Variants in UGT1A10 observed in about 807,000 individuals in gnomAD.
UGT1A10 encodes UDP-glucuronosyltransferase 1A10.
UGT1A10 carries 49 observed loss-of-function variants against 45.8 expected under a neutral mutation model. The ratio of observed to expected loss-of-function variants is 1.07; its 90% CI spans 0.85 to 1.36. The LOEUF is 1.36. UGT1A10 is among the 40% of genes most tolerant of loss of function. UGT1A10 has a pLI of 0.00. For missense variants in UGT1A10, 745 were observed against 668.6 expected (o/e 1.11, Z -1.26); for synonymous variants, 284 against 249.7 (o/e 1.14, Z -1.29).
At chr2:233,760,220 G>C (rs1697349973) in intron 1 of UGT1A10, 2 of 1,593,686 alleles carry the variant, frequency 1.3e-6, no homozygotes, top group South Asian at 2.2e-5. Flanking sequence ...TTGGTGTATC[G>C]ATTGGTTTTT....
intron 1 of UGT1A10, among the ~76,000 whole-genome samples, chr2:233,644,284 A>G (rs2125467516): frequency 6.6e-6 from 1 of 152,260 alleles, no homozygotes; most frequent in African/African-American, 2.4e-5. Flanking sequence ...ATGCTCCCTC[A>G]ATGCTGGGCA....
Position 233,693,534 on chromosome 2 carries a change from C to G in UGT1A10, c.855+56157C>G, listed in dbSNP as rs74429718. 3.5e-5 allele frequency: 56 copies of G among 1,614,178 alleles called. No individual in the cohort carries two copies. The highest frequency in any genetic ancestry group is 4.7e-5 in the Non-Finnish European group (55 of 1,180,024). On this transcript the variant is annotated intron_variant, in intron 1 of 4. Transcript: ENST00000344644. Reference sequence around the variant, plus strand: ...TACCTCTTCAGGGGTTTTCCGTGTTCCCTGGAGCATACATTCAGCAGAAGC... The same window carrying G: ...TACCTCTTCAGGGGTTTTCCGTGTTGCCTGGAGCATACATTCAGCAGAAGC...
At chr2:233,721,414 A>G (rs1463398492) in intron 1 of UGT1A10, 1 of 155,730 alleles carries the variant, frequency 6.4e-6, no homozygotes, top group Non-Finnish European at 1.4e-5. Context: ...TAGGACAGGT[A>G]CCCTAAGCAT....
chr2:233,743,207 A>C, intron 1 of UGT1A10: 1 of 394,578 alleles, frequency 2.5e-6, no homozygotes, highest in Non-Finnish European at 5.0e-6. Flanking sequence ...GTCAATGCGG[A>C]GTAACTGCTC....
intron 1 of UGT1A10, among the ~76,000 whole-genome samples, chr2:233,652,532 A>C (rs1485003791): frequency 6.6e-6 from 1 of 152,246 alleles, no homozygotes; most frequent in African/African-American, 2.4e-5. Flanking sequence ...CAATATCATT[A>C]TCATTCCTCA....
intron 1 of UGT1A10, among the ~76,000 whole-genome samples, chr2:233,697,447 T>A (rs2075391159): frequency 6.6e-6 from 1 of 151,962 alleles, no homozygotes; most frequent in Admixed American, 6.5e-5. Context: ...TCTGATTTTA[T>A]CTGAGTGTTT....
At position 233,712,021 on chromosome 2, in the gene UGT1A10, C is replaced by G. The variant is rs28898597; in HGVS notation, c.856-55013C>G. ...TCTGGAGGAACCATTCTTATCAGAA[C>G]TTGGTGCTGGATTGACTTGGAAAAA... On this transcript the variant is annotated intron_variant, in intron 1 of 4. Coordinates refer to ENST00000344644, the MANE Select transcript of UGT1A10 (RefSeq NM_019075.4). Among the ~76,000 whole-genome samples, 636 of 152,326 alleles carry G rather than the reference C, an allele frequency of 4.2e-3. 8 individuals carry two copies. Among genetic ancestry groups the G allele is most frequent in the African/African-American group, 0.015 (604 of 41,568 alleles).
At chr2:233,668,008 A>G (rs914560486) in intron 1 of UGT1A10, among the ~76,000 whole-genome samples, 4 of 152,252 alleles carry the variant, frequency 2.6e-5, no homozygotes, top group Non-Finnish European at 5.9e-5. Context: ...AAGAATTCCC[A>G]TATATCTTTT....
chr2:233,721,642 T>A (rs1280370811), intron 1 of UGT1A10: 1 of 207,198 alleles, frequency 4.8e-6, no homozygotes. Context: ...ATCTTGAATG[T>A]GGCAGTGGGG....
chr2:233,695,075 C>T (rs888068416), intron 1 of UGT1A10, among the ~76,000 whole-genome samples: 1 of 151,850 alleles, frequency 6.6e-6, no homozygotes, highest in Non-Finnish European at 1.5e-5. Flanking sequence ...GCACTTTGGA[C>T]TTACTCATTC....
In UGT1A10 at chr2:233,734,393, C is replaced by T. The variant is rs557317498; in HGVS notation, c.856-32641C>T. On this transcript the variant is annotated intron_variant, in intron 1 of 4. Transcript: ENST00000344644. ...ATATTGCCTTTACTATTTTTTATTG[C>T]GTCTATTTGATTCTTCTCTCTTTTC... Among the ~76,000 whole-genome samples, 8 of 152,072 alleles carry T rather than the reference C, an allele frequency of 5.3e-5. No homozygotes were observed. In the East Asian group the frequency reaches 7.7e-4, roughly 15 times the overall value.
intron 1 of UGT1A10, among the ~76,000 whole-genome samples, chr2:233,738,487 G>C (rs2125816251): frequency 6.6e-6 from 1 of 152,316 alleles, no homozygotes; most frequent in African/African-American, 2.4e-5. Flanking sequence ...GAGACTTGTT[G>C]AACGGTTTTG....
At position 233,690,892 on chromosome 2, in the gene UGT1A10, G is replaced by A. The variant is rs1171545232; in HGVS notation, c.855+53515G>A. 3 of 1,044,122 alleles carry A rather than the reference G, an allele frequency of 2.9e-6. No homozygotes were observed. In the African/African-American group the frequency reaches 5.1e-5, roughly 18 times the overall value. 64.7% of individuals were successfully genotyped at this position (1,044,122 alleles called of 1,614,324 possible). A position where few individuals can be genotyped will look rare whatever the true frequency, so the allele number is the denominator to read the frequency against. ...AGAAGGTGTTAGGAATTCAAGGGAT[G>A]GTATGCATAGTGATGTTAGTTTCAT... is the stretch of plus-strand genomic sequence containing the variant. On this transcript the variant is annotated intron_variant, in intron 1 of 4. Coordinates refer to ENST00000344644, the MANE Select transcript of UGT1A10 (RefSeq NM_019075.4).
Position 233,672,119 on chromosome 2 carries a change from T to C in UGT1A10, c.855+34742T>C, listed in dbSNP as rs752186883. On this transcript the variant is annotated intron_variant, in intron 1 of 4. Coordinates refer to ENST00000344644, the MANE Select transcript of UGT1A10 (RefSeq NM_019075.4). ...GAGGTGGTTGTAGTCATGCCAGAGGTGAGTTGGCAACTGGGAAGATCACTG... is the reference window on the plus strand; with the variant it reads ...GAGGTGGTTGTAGTCATGCCAGAGGCGAGTTGGCAACTGGGAAGATCACTG... 26 of 1,614,012 alleles carry C rather than the reference T, an allele frequency of 1.6e-5. No individual in the cohort carries two copies. In the South Asian group the frequency reaches 2.4e-4, roughly 15 times the overall value.
chr2:233,647,779 C>A, intron 1 of UGT1A10: 1 of 541,324 alleles, frequency 1.8e-6, no homozygotes, highest in African/African-American at 1.9e-5. Flanking sequence ...GTCTTTTTTC[C>A]TAATCAGTCT....
chr2:233,644,517 T>C (rs184090456), intron 1 of UGT1A10, among the ~76,000 whole-genome samples: 132 of 152,134 alleles, frequency 8.7e-4, no homozygotes, highest in Admixed American at 8.5e-3. Context: ...GCCAAGATCA[T>C]ACCACTGCAC....
chr2:233,657,825 C>A (rs529748955), intron 1 of UGT1A10, among the ~76,000 whole-genome samples: 21 of 152,108 alleles, frequency 1.4e-4, no homozygotes, highest in African/African-American at 5.1e-4. Context: ...CAGGTCTATG[C>A]CACTTTTTAA....
intron 1 of UGT1A10, among the ~76,000 whole-genome samples, chr2:233,664,170 C>T (rs1421019782): frequency 6.6e-6 from 1 of 152,176 alleles, no homozygotes; most frequent in Non-Finnish European, 1.5e-5. Context: ...TCACATGAGA[C>T]CTCATTAGCC....
chr2:233,729,264 G>T (rs921669787), intron 1 of UGT1A10: 3 of 1,614,004 alleles, frequency 1.9e-6, no homozygotes, highest in Admixed American at 1.7e-5. Flanking sequence ...GCATGCGGGA[G>T]GTCTTGCGGG....
Sources: gnomAD v4.1 joint callset for allele counts (sites outside exome capture counted in the v4.1 genomes callset) on GRCh38, gnomAD v4.1.1 for gene constraint, MANE v1.5 for transcripts, NCBI Gene and HGNC (gene_info 2026-07-23, HGNC 2026-07-21) for gene names.